Variants in TRAPPC9 observed in about 807,000 individuals in gnomAD.
TRAPPC9 encodes the protein IKK2 binding protein.
TRAPPC9 carries 83 observed loss-of-function variants against 124.0 expected under a neutral mutation model. That is an observed-to-expected ratio of 0.67 (90% confidence interval 0.56 to 0.80). The LOEUF (loss-of-function observed/expected upper bound fraction) is 0.80. Among genes scored for constraint, TRAPPC9 ranks in the 30% least tolerant of loss-of-function variants. The pLI is 0.00. For missense variants in TRAPPC9, 1,302 were observed against 1,508.3 expected (o/e 0.86, Z 2.27); for synonymous variants, 638 against 617.5 (o/e 1.03, Z -0.49).
rs140783650 is a variant in TRAPPC9, at chr8:140,205,120, C to A, written c.2556+16339G>T. On this transcript the variant is annotated intron_variant, in intron 17 of 22. Transcript: ENST00000438773. Reference sequence around the variant, plus strand: ...GATACAATGTGATCACATTAAGTAGCAATATTGACATCTCCTTTACAATGA... The same window carrying A: ...GATACAATGTGATCACATTAAGTAGAAATATTGACATCTCCTTTACAATGA... Among the ~76,000 whole-genome samples the A allele has an allele frequency of 2.0e-5, 3 of 152,312 alleles. No homozygotes were observed. The East Asian group carries it at 5.8e-4, about 29-fold the overall frequency.
At chr8:140,017,619 T>TTCTGTCTTTACACCA in intron 18 of TRAPPC9, among the ~76,000 whole-genome samples, 1 of 152,220 alleles carries the variant, frequency 6.6e-6, no homozygotes. Flanking sequence ...CTCTCTTGAT[T>TTCTGTCTTTACACCA]ATTATAGCTT....
intron 12 of TRAPPC9, among the ~76,000 whole-genome samples, chr8:140,288,666 T>C (rs2065559017): frequency 6.6e-6 from 1 of 152,140 alleles, no homozygotes; most frequent in Non-Finnish European, 1.5e-5. Context: ...ACAATGAAAC[T>C]TGAACTTTCG....
intron 21 of TRAPPC9, among the ~76,000 whole-genome samples, chr8:139,833,771 C>T (rs1031448196): frequency 5.3e-5 from 8 of 152,176 alleles, no homozygotes; most frequent in Non-Finnish European, 7.3e-5. Flanking sequence ...GAGGTGTGCC[C>T]GTCATTGGAC....
intron 10 of TRAPPC9, among the ~76,000 whole-genome samples, chr8:140,307,810 C>G (rs112452828): frequency 6.6e-6 from 1 of 152,238 alleles, no homozygotes; most frequent in South Asian, 2.1e-4. Flanking sequence ...TGTCTCCCTT[C>G]TTTCTGCCTT....
chr8:140,218,829 G>A (rs563525229), intron 17 of TRAPPC9, among the ~76,000 whole-genome samples: 76 of 152,152 alleles, frequency 5.0e-4, no homozygotes, highest in Admixed American at 2.3e-3. Context: ...GTGTGGTGGC[G>A]CACGCCTGTA....
intron 19 of TRAPPC9, among the ~76,000 whole-genome samples, chr8:139,968,634 A>G (rs898524974): frequency 6.6e-6 from 1 of 152,210 alleles, no homozygotes; most frequent in Non-Finnish European, 1.5e-5. Flanking sequence ...CTTCAGAATG[A>G]CAGGAGCCTG....
chr8:140,304,255 C>T lies in TRAPPC9; in HGVS notation c.1623-3641G>A, dbSNP rs933073845. On this transcript the variant is annotated intron_variant, in intron 10 of 22. Transcript: ENST00000438773. ...GACTACAAGCACCTGCCACCACGCC[C>T]GGCTAATTTTTGTATTTTTCGTAGA... Among the ~76,000 whole-genome samples the T allele has an allele frequency of 3.9e-5, 6 of 152,180 alleles. No homozygotes were observed. In the South Asian group the frequency reaches 1.0e-3, roughly 26 times the overall value.
chr8:139,740,818 G>A (rs368957375), intron 21 of TRAPPC9, among the ~76,000 whole-genome samples: 167 of 152,332 alleles, frequency 1.1e-3, no homozygotes, highest in African/African-American at 3.9e-3. Context: ...GTCGTGACCC[G>A]TGCAGGACTC....
chr8:140,438,940 G>A (rs979273090), intron 3 of TRAPPC9, 112 bp downstream of exon 3: 19 of 1,377,462 alleles, frequency 1.4e-5, no homozygotes, highest in African/African-American at 4.3e-5. Context: ...TTGGCCTGCC[G>A]TAGCCTCCCA....
At chr8:140,269,540 C>G (rs962465139) in intron 15 of TRAPPC9, among the ~76,000 whole-genome samples, 4 of 116,524 alleles carry the variant, frequency 3.4e-5, no homozygotes, top group African/African-American at 1.5e-4. Flanking sequence ...GACTCTGTCT[C>G]AAAAAATAAA....
chr8:140,187,101 A>G (rs1207679416), intron 17 of TRAPPC9, among the ~76,000 whole-genome samples: 1 of 152,190 alleles, frequency 6.6e-6, no homozygotes, highest in African/African-American at 2.4e-5. Flanking sequence ...AGATTTCTGA[A>G]TACAGTCACC....
At chr8:140,031,055 A>G (rs1267013090) in intron 17 of TRAPPC9, among the ~76,000 whole-genome samples, 1 of 152,230 alleles carries the variant, frequency 6.6e-6, no homozygotes, top group African/African-American at 2.4e-5. Context: ...CCATTAATAG[A>G]CATACAATCA....
intron 20 of TRAPPC9, among the ~76,000 whole-genome samples, chr8:139,888,146 A>T (rs532147833): frequency 6.6e-6 from 1 of 152,328 alleles, no homozygotes; most frequent in South Asian, 2.1e-4. Context: ...CCCTCAGTAG[A>T]GAATCCGAGG....
At chr8:140,008,635 C>T (rs1057416064) in intron 18 of TRAPPC9, 5 of 152,260 alleles carry the variant, frequency 3.3e-5, no homozygotes, top group African/African-American at 1.2e-4. Flanking sequence ...AGGCACAGGG[C>T]ACAAGGGTCG....
chr8:140,183,938 AGAGGAGAGGAGAGGG>A lies in TRAPPC9; in HGVS notation c.2556+37506_2556+37520del, dbSNP rs1563826031. Among the ~76,000 whole-genome samples, 40 of 24,978 alleles carry A rather than the reference AGAGGAGAGGAGAGGG, an allele frequency of 1.6e-3. 1 individual carries two copies. The highest frequency in any genetic ancestry group is 3.0e-3 in the Admixed American group (5 of 1,644). The allele number at this position is 24,978 out of a possible 152,430, so 16.4% of individuals were successfully genotyped here. A position where few individuals can be genotyped will look rare whatever the true frequency, so the allele number is the denominator to read the frequency against. On this transcript the variant is annotated intron_variant, in intron 17 of 22. Transcript: ENST00000438773. ...AGAGGAGAGGAGAGGAGAGGAGAGG[AGAGGAGAGGAGAGGG>A]GAGGGGAGGGAGGAGGGAGGAGGGA...
At chr8:140,299,115 C>T (rs1460524302) in intron 11 of TRAPPC9, among the ~76,000 whole-genome samples, 1 of 152,148 alleles carries the variant, frequency 6.6e-6, no homozygotes, top group East Asian at 1.9e-4. Flanking sequence ...AAGGATGTGA[C>T]AACAAGAGAG....
intron 10 of TRAPPC9, among the ~76,000 whole-genome samples, chr8:140,307,017 G>A (rs1173774620): frequency 6.6e-6 from 1 of 152,050 alleles, no homozygotes; most frequent in Non-Finnish European, 1.5e-5. Context: ...TTGCTTTAGG[G>A]GAACTACACA....
chr8:140,104,834 C>A lies in TRAPPC9; in HGVS notation c.2557-80755G>T, dbSNP rs1007700948. ...TTCCCAGAGTTGCCTCGAACTGAAG[C>A]CTTACTTCCTCTTTCTAACCCTTTT... On this transcript the variant is annotated intron_variant, in intron 17 of 22. Coordinates refer to ENST00000438773, the MANE Select transcript of TRAPPC9 (RefSeq NM_001160372.4). The surrounding 1 kb of genome is among the most constrained non-coding windows in gnomAD (Gnocchi z 4.0). 6.6e-6 allele frequency among the ~76,000 whole-genome samples: 1 copy of A among 152,208 alleles called. No individual in the cohort carries two copies. The highest frequency in any genetic ancestry group is 2.4e-5 in the African/African-American group (1 of 41,456).
In TRAPPC9 at chr8:140,350,496, T is replaced by C. The variant is rs147360587; in HGVS notation, c.1495+9554A>G. On this transcript the variant is annotated intron_variant, in intron 9 of 22. Coordinates refer to ENST00000438773, the MANE Select transcript of TRAPPC9 (RefSeq NM_001160372.4). ...TATCAAAGGGAGGCTGTCCATCCAT[T>C]TAACAGTATTTCTTCACACCTACTG... Among the ~76,000 whole-genome samples the C allele has an allele frequency of 4.9e-3, 746 of 152,334 alleles. 5 individuals are homozygous for C. Among genetic ancestry groups the C allele is most frequent in the Middle Eastern group, 0.014 (4 of 294 alleles).
Sources: gnomAD v4.1 joint callset for allele counts (sites outside exome capture counted in the v4.1 genomes callset) on GRCh38, gnomAD v4.1.1 for gene constraint, Gnocchi (gnomAD v3.1) non-coding constraint, MANE v1.5 for transcripts, NCBI Gene and HGNC (gene_info 2026-07-23, HGNC 2026-07-21) for gene names.